Variants in NPNT observed in about 807,000 individuals in gnomAD.
The protein encoded by NPNT is preosteoblast EGF-like repeat protein with MAM domain.
NPNT carries 45 observed loss-of-function variants against 68.6 expected under a neutral mutation model. The ratio of observed to expected loss-of-function variants is 0.66; its 90% CI spans 0.52 to 0.84. The LOEUF is 0.84. Among genes scored for constraint, NPNT ranks in the 40% least tolerant of loss-of-function variants. NPNT has a pLI of 0.00. For synonymous variants in NPNT, 233 were observed against 253.3 expected, an observed-to-expected ratio of 0.92 and a Z score of 0.76; for missense variants, 672 against 714.8, an observed-to-expected ratio of 0.94 and a Z score of 0.68.
rs372591794 is a variant in NPNT at position 105,940,135 on chromosome 4, C to T, written c.566C>T (p.Thr189Ile). The T allele has an allele frequency of 3.7e-6, 6 of 1,612,418 alleles. No individual in the cohort carries two copies. Among genetic ancestry groups the T allele is most frequent in the Non-Finnish European group, 5.1e-6 (6 of 1,178,510 alleles). Residue 189 changes from threonine to isoleucine, a missense_variant, in exon 6 of 12, where the codon ACT becomes ATT. Physicochemically the swap from Thr to Ile is moderately conservative, Grantham distance 89 (BLOSUM62 -1). Transcript: ENST00000379987. ...CCTAGATTTAGGCAATGTGTCAACA[C>T]TTTTGGGAGCTACATCTGCAAGTGT... is the stretch of plus-strand genomic sequence containing the variant. ...SCPRFRQCVN[T>I]FGSYICKCHK... is the part of the protein sequence containing the mutation.
At chr4:105,961,222 A>G (rs945531692) in intron 10 of NPNT, among the ~76,000 whole-genome samples, 13 of 152,130 alleles carry the variant, frequency 8.5e-5, no homozygotes, top group African/African-American at 3.1e-4. Context: ...CTGCAGCATT[A>G]TTGTGTTTTT....
intron 2 of NPNT, among the ~76,000 whole-genome samples, chr4:105,920,942 A>T (rs1013751153): frequency 2.6e-5 from 4 of 152,184 alleles, no homozygotes; most frequent in African/African-American, 9.6e-5. Context: ...AACAAAAATT[A>T]TAGCAATACT....
intron 4 of NPNT, 88 bp downstream of exon 4, chr4:105,937,216 G>A (rs776111991): frequency 2.9e-6 from 4 of 1,361,160 alleles, no homozygotes; most frequent in South Asian, 1.3e-5. Flanking sequence ...AATGGCCTCC[G>A]GGGTTCTCCT....
At chr4:105,949,791 C>G (rs4264830) in intron 8 of NPNT, among the ~76,000 whole-genome samples, 126,947 of 152,132 alleles carry the variant, frequency 0.83, 54,477 homozygotes, top group East Asian at 1. Context: ...CTGAAAAGTA[C>G]AAAGCTGTAC....
rs561457061 is a variant in NPNT at position 105,958,900 on chromosome 4, T to C, written c.1247-128T>C. 2.2e-5 allele frequency: 14 copies of C among 638,408 alleles called. No individual in the cohort carries two copies. In the East Asian group the frequency reaches 3.5e-4, roughly 16 times the overall value. The allele number at this position is 638,408 out of a possible 1,614,324, so 39.5% of individuals were successfully genotyped here. A position where few individuals can be genotyped will look rare whatever the true frequency, so the allele number is the denominator to read the frequency against. ...TTAATGTAATTTCCCTTTGGTCTTA[T>C]GGAAAGAAGCTCTGGTTATATGGAT... is the stretch of plus-strand genomic sequence containing the variant. On this transcript the variant is annotated intron_variant, in intron 9 of 11. Transcript: ENST00000379987.
rs1047075288 is a variant in NPNT, at chr4:105,942,336, G to A, written c.793G>A (p.Gly265Ser). The change falls in exon 8 of 12, where the codon GGT (glycine) becomes AGT (serine). Residue 265 changes from glycine (G) to serine (S), a missense_variant. By Grantham distance (56) the Gly-to-Ser change is moderately conservative. Coordinates refer to ENST00000379987, the MANE Select transcript of NPNT (RefSeq NM_001033047.3). The part of the protein sequence containing the change: ...YIPKVMIEPS[G>S]PIHVPKGNGT... ...CCCAAAAGTTATGATTGAACCTTCA[G>A]GTCCAATTCATGTACCAAAGGGAAA... The A allele has an allele frequency of 3.1e-6, 5 of 1,607,856 alleles. No individual in the cohort carries two copies. Among genetic ancestry groups the A allele is most frequent in the Non-Finnish European group, 3.4e-6 (4 of 1,175,684 alleles).
intron 2 of NPNT, among the ~76,000 whole-genome samples, chr4:105,912,902 C>T (rs1029532945): frequency 2.6e-5 from 4 of 152,214 alleles, no homozygotes; most frequent in Non-Finnish European, 5.9e-5. Flanking sequence ...GAGCCTTGCT[C>T]TGTTGCCCAA....
chr4:105,940,330 C>A, intron 6 of NPNT, 121 bp downstream of exon 6: 1 of 1,111,534 alleles, frequency 9.0e-7, no homozygotes, highest in Non-Finnish European at 1.3e-6. Flanking sequence ...GTTAAACCAA[C>A]AGACATCCAG....
At chr4:105,940,053 T>C (rs142166225) in intron 5 of NPNT, 22 bp from the exon 6 acceptor site, 2 of 1,609,892 alleles carry the variant, frequency 1.2e-6, no homozygotes, top group Non-Finnish European at 1.7e-6. Context: ...CTTCCTAAAA[T>C]GCTATTGACT....
intron 8 of NPNT, among the ~76,000 whole-genome samples, chr4:105,951,825 T>G (rs1186267200): frequency 6.6e-6 from 1 of 152,166 alleles, no homozygotes; most frequent in Non-Finnish European, 1.5e-5. Flanking sequence ...AAGTCAGAAG[T>G]CAGATTTTTT....
intron 5 of NPNT, among the ~76,000 whole-genome samples, 169 bp downstream of exon 5, chr4:105,938,589 T>C (rs1291567718): frequency 2.0e-5 from 3 of 152,180 alleles, no homozygotes; most frequent in Admixed American, 6.5e-5. Flanking sequence ...GAATGGATAA[T>C]GGGAGCGTTG....
At chr4:105,959,274 T>C (rs2149402160) in intron 10 of NPNT, 148 bp downstream of exon 10, 1 of 573,728 alleles carries the variant, frequency 1.7e-6, no homozygotes, top group East Asian at 2.8e-5. Context: ...AGCATTTATA[T>C]TTCATTTCTT....
chr4:105,960,179 CT>C (rs1254531357), intron 10 of NPNT, among the ~76,000 whole-genome samples: 1 of 151,960 alleles, frequency 6.6e-6, no homozygotes, highest in Non-Finnish European at 1.5e-5. Flanking sequence ...ATTTTTTTTC[CT>C]TTTTATACTC....
chr4:105,919,634 A>G (rs1404330375), intron 2 of NPNT, among the ~76,000 whole-genome samples: 1 of 152,094 alleles, frequency 6.6e-6, no homozygotes, highest in Admixed American at 6.6e-5. Flanking sequence ...AAGAGTCCAT[A>G]TCAATTGCTT....
chr4:105,904,686 A>AT (rs141534245), intron 2 of NPNT, among the ~76,000 whole-genome samples: 12 of 150,134 alleles, frequency 8.0e-5, no homozygotes, highest in East Asian at 7.8e-4. Context: ...TTTAGCCATA[A>AT]TTTTTTTTTT....
At chr4:105,944,651 A>G (rs1170774823) in intron 8 of NPNT, among the ~76,000 whole-genome samples, 2 of 152,218 alleles carry the variant, frequency 1.3e-5, no homozygotes, top group Non-Finnish European at 2.9e-5. Context: ...TCTTAAAGAC[A>G]TGCTCTGGGA....
At chr4:105,905,626 T>C (rs1726827174) in intron 2 of NPNT, among the ~76,000 whole-genome samples, 1 of 152,210 alleles carries the variant, frequency 6.6e-6, no homozygotes, top group Non-Finnish European at 1.5e-5. Flanking sequence ...TGCCATTACA[T>C]GAATGAATGT....
In NPNT at chr4:105,927,415, A is replaced by C. The variant is rs762178870; in HGVS notation, c.252A>C (p.Lys84Asn). The change falls in exon 3 of 12, where the codon AAA becomes AAC. Residue 84 changes from lysine to asparagine, a missense_variant. Coordinates refer to ENST00000379987, the MANE Select transcript of NPNT (RefSeq NM_001033047.3). ...AGTGTCATCCTGGTTATGCTGGAAA[A>C]ACCTGTAATCAAGGTAGGAAAACAG... ...KCKCHPGYAG[K>N]TCNQDLNECG... The C allele has an allele frequency of 3.1e-6, 5 of 1,607,998 alleles. No individual in the cohort carries two copies. In the South Asian group the frequency reaches 5.5e-5, roughly 18 times the overall value.
chr4:105,957,646 A>T (rs1386595210), intron 8 of NPNT, among the ~76,000 whole-genome samples: 3 of 152,172 alleles, frequency 2.0e-5, no homozygotes, highest in Non-Finnish European at 4.4e-5. Context: ...AGGGACAGAC[A>T]CATGTGTGTA....
Sources: gnomAD v4.1 joint callset for allele counts (sites outside exome capture counted in the v4.1 genomes callset) on GRCh38, gnomAD v4.1.1 for gene constraint, MANE v1.5 for transcripts, NCBI Gene and HGNC (gene_info 2026-07-23, HGNC 2026-07-21) for gene names.